Variants in ADH7 observed in about 807,000 individuals in gnomAD.
The protein encoded by ADH7 is alcohol dehydrogenase 7 (class IV), mu or sigma polypeptide.
Under a neutral mutation model 34.4 loss-of-function variants are expected in ADH7, and 41 were observed. That is an observed-to-expected ratio of 1.19 (90% confidence interval 0.93 to 1.55). ADH7 has a LOEUF of 1.55. ADH7 is among the 40% of genes most tolerant of loss of function. The probability of loss-of-function intolerance (pLI) is 0.00; values close to 1 mark genes in which losing one functional copy is unlikely to be tolerated. For missense variants in ADH7, 540 were observed against 461.2 expected (o/e 1.17, Z -1.56); for synonymous variants, 180 against 160.9 (o/e 1.12, Z -0.90).
intron 5 of ADH7, among the ~76,000 whole-genome samples, chr4:99,423,217 T>G (rs1450286650): frequency 1.3e-5 from 2 of 150,518 alleles, no homozygotes; most frequent in South Asian, 4.2e-4. Context: ...TCATCATTTT[T>G]TATGGCTGCA....
intron 6 of ADH7, among the ~76,000 whole-genome samples, chr4:99,420,070 A>T (rs75714115): frequency 2.1e-4 from 32 of 152,290 alleles, no homozygotes; most frequent in African/African-American, 7.7e-4. Flanking sequence ...AATTCAGATG[A>T]GGGCAAACAA....
chr4:99,415,151 T>C (rs901674092), intron 8 of ADH7, among the ~76,000 whole-genome samples: 2 of 152,146 alleles, frequency 1.3e-5, no homozygotes, highest in African/African-American at 4.8e-5. Flanking sequence ...TCGACACTTC[T>C]CCTTCCTGCA....
intron 6 of ADH7, among the ~76,000 whole-genome samples, 175 bp from the exon 7 acceptor site, chr4:99,419,296 A>C (rs1264394723): frequency 6.6e-6 from 1 of 152,220 alleles, no homozygotes; most frequent in Non-Finnish European, 1.5e-5. Flanking sequence ...ATTTCTATAC[A>C]CATTTGCCCT....
rs752622487 is a variant in ADH7, at chr4:99,429,546, C to T, written c.106G>A (p.Glu36Lys). Residue 36 changes from glutamate (E) to lysine (K), a missense_variant, in exon 2 of 9, where the codon GAA becomes AAA. Physicochemically the swap from Glu to Lys is moderately conservative, Grantham distance 56. Coordinates refer to ENST00000437033, the MANE Select transcript of ADH7 (RefSeq NM_000673.7). ...CTCACGCTTACCTTAATGCGAACTT[C>T]TTTAGTCTTTGGTGGGGCAACTTCT... ...EIEVAPPKTK[E>K]VRIKILATGI... 2.7e-5 allele frequency: 44 copies of T among 1,611,486 alleles called. No individual in the cohort carries two copies. Among genetic ancestry groups the T allele is most frequent in the Non-Finnish European group, 3.5e-5 (41 of 1,178,728 alleles).
rs372231464 is a variant in ADH7 at position 99,426,237 on chromosome 4, CA to C, written c.564+1535del. On this transcript the variant is annotated intron_variant, in intron 5 of 8. Transcript: ENST00000437033. The stretch of plus-strand genomic sequence containing the variant: ...AGCAGAACTGAAGGAAATAGAGACA[CA>C]AAAAACCCTTCAAAAAATTAATGAA... 6.9e-4 allele frequency among the ~76,000 whole-genome samples: 105 copies of C among 151,974 alleles called. 2 individuals are homozygous for C. In the East Asian group the frequency reaches 0.011, roughly 16 times the overall value.
Position 99,413,053 on chromosome 4 carries a change from A to T in ADH7, c.*95T>A, listed in dbSNP as rs527889684. The T allele has an allele frequency of 1.4e-4, 176 of 1,288,940 alleles. No homozygotes were observed. The African/African-American group carries it at 2.2e-3, about 16-fold the overall frequency. 79.8% of individuals were successfully genotyped at this position (1,288,940 alleles called of 1,614,324 possible). On this transcript the variant is annotated 3_prime_UTR_variant, in exon 9 of 9. Coordinates refer to ENST00000437033, the MANE Select transcript of ADH7 (RefSeq NM_000673.7). ...CAACAAATCTTCTACTTATGCTTGT[A>T]TTTGTGAGACAGATACATGATTTCA...
At chr4:99,433,108 T>C (rs894142402) in intron 1 of ADH7, among the ~76,000 whole-genome samples, 1 of 152,178 alleles carries the variant, frequency 6.6e-6, no homozygotes, top group Admixed American at 6.6e-5. Flanking sequence ...TATTTAAGGA[T>C]GTTGTGGCAT....
At chr4:99,422,219 C>G (rs1721682578) in intron 5 of ADH7, among the ~76,000 whole-genome samples, 1 of 152,142 alleles carries the variant, frequency 6.6e-6, no homozygotes, top group Non-Finnish European at 1.5e-5. Flanking sequence ...TTTATTGCAG[C>G]ACTATTTACA....
intron 6 of ADH7, among the ~76,000 whole-genome samples, chr4:99,419,740 A>G (rs1721605446): frequency 1.3e-5 from 2 of 152,228 alleles, no homozygotes; most frequent in African/African-American, 4.8e-5. Flanking sequence ...TATGGCTTCA[A>G]AAACTTATGA....
chr4:99,426,709 A>G (rs1054286169), intron 5 of ADH7, among the ~76,000 whole-genome samples: 1 of 152,224 alleles, frequency 6.6e-6, no homozygotes, highest in Non-Finnish European at 1.5e-5. Context: ...AACTCATTTT[A>G]TGAGGCCAGC....
chr4:99,418,958 C>T (rs777987364), intron 7 of ADH7, 28 bp downstream of exon 7: 7 of 1,611,330 alleles, frequency 4.3e-6, no homozygotes, highest in Non-Finnish European at 2.5e-6. Context: ...AGCCATCACT[C>T]CCCATCCAGA....
intron 3 of ADH7, 65 bp from the exon 4 acceptor site, chr4:99,428,239 G>T: frequency 6.9e-7 from 1 of 1,459,192 alleles, no homozygotes; most frequent in Non-Finnish European, 9.6e-7. Context: ...ATTAACAAAT[G>T]TGAATTGAGC....
intron 6 of ADH7, among the ~76,000 whole-genome samples, chr4:99,419,557 G>C (rs1335972866): frequency 6.6e-6 from 1 of 151,874 alleles, no homozygotes; most frequent in South Asian, 2.1e-4. Context: ...CCCTTTTCTT[G>C]GGAGCATTTC....
rs753958832 is a variant in ADH7 at position 99,420,592 on chromosome 4, C to G, written c.766G>C (p.Glu256Gln). 2 of 1,613,966 alleles carry G rather than the reference C, an allele frequency of 1.2e-6. No individual in the cohort carries two copies. Among genetic ancestry groups the G allele is most frequent in the South Asian group, 2.2e-5 (2 of 91,076 alleles). The change falls in exon 6 of 9, where the codon GAA becomes CAA. Residue 256 changes from glutamate to glutamine, a missense_variant. Coordinates refer to ENST00000437033, the MANE Select transcript of ADH7 (RefSeq NM_000673.7). Reference protein sequence around the residue: ...STKPISEVLSEMTGNNVGYTF... With the variant: ...STKPISEVLSQMTGNNVGYTF... ...TATCCCACGTTGTTGCCTGTCATTT[C>G]TGACAGCACCTCACTGATGGGTTTG...
chr4:99,421,587 A>G (rs983409088), intron 5 of ADH7, among the ~76,000 whole-genome samples: 3 of 152,228 alleles, frequency 2.0e-5, no homozygotes, highest in Non-Finnish European at 2.9e-5. Flanking sequence ...GAACTTAGAC[A>G]TAGGCAAAGA....
chr4:99,428,983 T>C (rs907278229), intron 2 of ADH7, among the ~76,000 whole-genome samples: 3 of 152,146 alleles, frequency 2.0e-5, no homozygotes, highest in Non-Finnish European at 2.9e-5. Flanking sequence ...ACAGAGGAAA[T>C]GGCATGCAAG....
At chr4:99,432,304 G>C (rs1041856677) in intron 1 of ADH7, among the ~76,000 whole-genome samples, 5 of 152,056 alleles carry the variant, frequency 3.3e-5, no homozygotes, top group African/African-American at 1.2e-4. Flanking sequence ...ATGGACACCA[G>C]GGCCCATTTG....
intron 5 of ADH7, among the ~76,000 whole-genome samples, chr4:99,426,496 C>A (rs1193854099): frequency 1.3e-5 from 2 of 152,266 alleles, no homozygotes; most frequent in Admixed American, 6.5e-5. Flanking sequence ...TACACCCTCC[C>A]AAGACTAAAC....
At chr4:99,414,584 A>G (rs1219687644) in intron 8 of ADH7, among the ~76,000 whole-genome samples, 6 of 152,112 alleles carry the variant, frequency 3.9e-5, no homozygotes, top group South Asian at 2.1e-4. Context: ...CATCACACCC[A>G]TGTTTACCCA....
Sources: gnomAD v4.1 joint callset for allele counts (sites outside exome capture counted in the v4.1 genomes callset) on GRCh38, gnomAD v4.1.1 for gene constraint, MANE v1.5 for transcripts, NCBI Gene and HGNC (gene_info 2026-07-23, HGNC 2026-07-21) for gene names.